The following IGSF11 variants were observed in gnomAD, a reference collection of about 807,000 sequenced individuals.
The protein encoded by IGSF11 is CXADR like 1.
A neutral mutation model predicts 41.0 loss-of-function variants in IGSF11; 22 were observed. The ratio of observed to expected loss-of-function variants is 0.54; its 90% CI spans 0.38 to 0.77. The LOEUF is 0.77. Ranked by LOEUF, IGSF11 falls within the 30% of genes least tolerant of loss-of-function variation. IGSF11 has a pLI of 0.00. For missense variants in IGSF11, 444 were observed against 530.8 expected (o/e 0.84, Z 1.61); for synonymous variants, 219 against 201.3 (o/e 1.09, Z -0.74).
rs950083455 is a variant in IGSF11, at chr3:119,050,238, G to A, written c.49+54906C>T. 1.4e-4 allele frequency among the ~76,000 whole-genome samples: 21 copies of A among 151,954 alleles called. 1 individual carries two copies. The highest frequency in any genetic ancestry group is 3.9e-4 in the East Asian group (2 of 5,178). ...ACCTACAAAATGGGAGAAAATTTTC[G>A]CAACCTACTCATCTGACAAAGGGCT... is the stretch of plus-strand genomic sequence containing the variant. On this transcript the variant is annotated intron_variant, in intron 1 of 6. Coordinates refer to the IGSF11 transcript ENST00000354673.
At chr3:119,039,790 C>G (rs982789921), upstream of IGSF11, among the ~76,000 whole-genome samples, 1 of 152,180 alleles carries the variant, frequency 6.6e-6, no homozygotes, top group Non-Finnish European at 1.5e-5. Context: ...CCTTTCACTT[C>G]TTAAGATCTT....
At chr3:119,139,214 A>G (rs2077605690) in intron 1 of IGSF11, among the ~76,000 whole-genome samples, 1 of 152,248 alleles carries the variant, frequency 6.6e-6, no homozygotes, top group South Asian at 2.1e-4. Context: ...GGTAAATAAA[A>G]ACGGACACAA....
intron 1 of IGSF11, among the ~76,000 whole-genome samples, chr3:118,986,212 G>A (rs566039266): frequency 6.6e-6 from 1 of 151,926 alleles, no homozygotes; most frequent in African/African-American, 2.4e-5. Context: ...CTCCTCTCCC[G>A]CTGAATGAGA....
At chr3:118,946,275 T>TC (rs1944132984) in intron 1 of IGSF11, among the ~76,000 whole-genome samples, 1 of 136,542 alleles carries the variant, frequency 7.3e-6, no homozygotes, top group African/African-American at 3.2e-5. Context: ...GTAATGTTTT[T>TC]TTAAAAAAAT....
rs531270113 is a variant in IGSF11 at position 118,950,773 on chromosome 3, A to G, written c.53-20498T>C. 2.6e-3 allele frequency among the ~76,000 whole-genome samples: 391 copies of G among 152,294 alleles called. 1 individual carries two copies. Among genetic ancestry groups the G allele is most frequent in the African/African-American group, 8.7e-3 (362 of 41,554 alleles). ...AATGAATTACTCTGTTCCCCTATGGAATTTTCTCCTCAACCTGGACAATCA... is the reference window on the plus strand; with the variant it reads ...AATGAATTACTCTGTTCCCCTATGGGATTTTCTCCTCAACCTGGACAATCA... On this transcript the variant is annotated intron_variant, in intron 1 of 6. Coordinates refer to ENST00000393775, the MANE Select transcript of IGSF11 (RefSeq NM_001015887.3).
At chr3:118,968,879 T>G (rs1933030714) in intron 1 of IGSF11, among the ~76,000 whole-genome samples, 1 of 152,252 alleles carries the variant, frequency 6.6e-6, no homozygotes, top group Admixed American at 6.5e-5. Flanking sequence ...ATCCACCCAC[T>G]GCTTGCTTCT....
chr3:118,945,989 T>C (rs1355641920), intron 1 of IGSF11: 1 of 152,128 alleles, frequency 6.6e-6, no homozygotes, highest in Non-Finnish European at 1.5e-5. Context: ...CACTGCAGTA[T>C]TGAAGATCAT....
chr3:119,134,789 G>C (rs933836294), intron 1 of IGSF11, among the ~76,000 whole-genome samples: 4 of 152,020 alleles, frequency 2.6e-5, no homozygotes, highest in Non-Finnish European at 5.9e-5. Flanking sequence ...GAGGCATCAC[G>C]CTACCTGACT....
intron 1 of IGSF11, among the ~76,000 whole-genome samples, chr3:118,936,506 CAAAA>C (rs1218247191): frequency 0.014 from 1,382 of 96,914 alleles, 15 homozygotes; most frequent in African/African-American, 0.043. Flanking sequence ...GATTTCATCT[CAAAA>C]AAAAAAAAAA....
chr3:118,914,595 G>A (rs1278578267), intron 4 of IGSF11, among the ~76,000 whole-genome samples: 5 of 150,040 alleles, frequency 3.3e-5, no homozygotes, highest in East Asian at 2.0e-4. Flanking sequence ...CACCTGGCTC[G>A]GAGGGTCCTA....
rs577359107 is a variant in IGSF11 at position 118,953,489 on chromosome 3, T to C, written c.53-23214A>G. Among the ~76,000 whole-genome samples, 6 of 152,338 alleles carry C rather than the reference T, an allele frequency of 3.9e-5. No individual in the cohort carries two copies. The East Asian group carries it at 7.7e-4, about 20-fold the overall frequency. ...TAAGGAATCTCCACACTGTTTTCCA[T>C]AGTGGTTGTACTAGTTTACATTCCC... On this transcript the variant is annotated intron_variant, in intron 1 of 6. Transcript: ENST00000393775.
At chr3:119,008,272 A>G (rs904684834) in intron 1 of IGSF11, among the ~76,000 whole-genome samples, 3 of 152,232 alleles carry the variant, frequency 2.0e-5, no homozygotes, top group Admixed American at 6.5e-5. Flanking sequence ...GGAATATACC[A>G]AGAGATCATC....
intron 1 of IGSF11, among the ~76,000 whole-genome samples, chr3:119,058,074 A>G (rs1227708023): frequency 2.6e-5 from 4 of 152,232 alleles, no homozygotes; most frequent in African/African-American, 7.2e-5. Context: ...CAAGGACTTC[A>G]TGTCTAAAAC....
At chr3:118,989,619 G>A (rs991288784) in intron 1 of IGSF11, among the ~76,000 whole-genome samples, 1 of 152,114 alleles carries the variant, frequency 6.6e-6, no homozygotes, top group Non-Finnish European at 1.5e-5. Context: ...CTCCCAAACT[G>A]CTGAGATTAC....
At chr3:119,003,631 T>C (rs994997600) in intron 1 of IGSF11, among the ~76,000 whole-genome samples, 59 of 151,826 alleles carry the variant, frequency 3.9e-4, no homozygotes, top group African/African-American at 1.1e-3. Context: ...TTTTGAAATA[T>C]GTCCCATCAA....
intron 1 of IGSF11, among the ~76,000 whole-genome samples, chr3:119,048,423 T>A (rs968556355): frequency 2.0e-5 from 3 of 152,164 alleles, no homozygotes; most frequent in African/African-American, 7.2e-5. Context: ...TCTTGACACA[T>A]ACACTCTCCC....
intron 1 of IGSF11, among the ~76,000 whole-genome samples, chr3:119,103,697 T>C (rs2076975052): frequency 6.6e-6 from 1 of 151,566 alleles, no homozygotes; most frequent in African/African-American, 2.4e-5. Context: ...CCTGTACCAC[T>C]AATGAAATAA....
chr3:119,101,489 C>A (rs1450177765), intron 1 of IGSF11, among the ~76,000 whole-genome samples: 1 of 152,094 alleles, frequency 6.6e-6, no homozygotes, highest in East Asian at 1.9e-4. Flanking sequence ...CCAGCCTGGG[C>A]AACAGGAGCA....
At chr3:119,078,085 C>T (rs1230228772) in intron 1 of IGSF11, among the ~76,000 whole-genome samples, 1 of 152,090 alleles carries the variant, frequency 6.6e-6, no homozygotes, top group Non-Finnish European at 1.5e-5. Context: ...ATTAATATGG[C>T]CATACAGCCC....
Sources: allele counts gnomAD v4.1 joint callset (sites outside exome capture counted in the v4.1 genomes callset), GRCh38; gene constraint gnomAD v4.1.1; transcripts MANE v1.5; gene names NCBI Gene and HGNC (gene_info 2026-07-23, HGNC 2026-07-21).